The following BAZ2B variants were observed in gnomAD, a reference collection of about 807,000 sequenced individuals.
BAZ2B encodes bromodomain adjacent to zinc finger domain protein 2B.
BAZ2B carries 91 observed loss-of-function variants against 246.0 expected under a neutral mutation model. That is an observed-to-expected ratio of 0.37 (90% confidence interval 0.31 to 0.44). The LOEUF is 0.44. BAZ2B is among the 20% of genes least tolerant of loss of function. BAZ2B has a pLI of 1.00. For missense variants in BAZ2B, 2,332 were observed against 2,533.7 expected, an observed-to-expected ratio of 0.92 and a Z score of 1.71; for synonymous variants, 855 against 860.0, an observed-to-expected ratio of 0.99 and a Z score of 0.10.
intron 31 of BAZ2B, among the ~76,000 whole-genome samples, chr2:159,339,629 G>A (rs144422723): frequency 6.6e-6 from 1 of 152,232 alleles, no homozygotes; most frequent in East Asian, 1.9e-4. Flanking sequence ...TATATTTACT[G>A]CAGCAATATT....
upstream of BAZ2B, among the ~76,000 whole-genome samples, chr2:159,620,059 G>A (rs1278995473): frequency 2.0e-5 from 3 of 152,174 alleles, no homozygotes; most frequent in Non-Finnish European, 4.4e-5. Flanking sequence ...GGACTAAATT[G>A]TTGCACTTTC....
intron 2 of BAZ2B, among the ~76,000 whole-genome samples, chr2:159,516,054 G>T (rs1434183356): frequency 6.6e-6 from 1 of 151,980 alleles, no homozygotes; most frequent in African/African-American, 2.4e-5. Context: ...CCTACAGTAT[G>T]TGTATGAGCT....
In BAZ2B at chr2:159,385,409, C is replaced by A. The variant is rs756272978; in HGVS notation, c.3472-40G>T. 1.4e-5 allele frequency: 21 copies of A among 1,511,128 alleles called. No homozygotes were observed. In the Admixed American group the frequency reaches 1.9e-4, roughly 14 times the overall value. The allele number at this position is 1,511,128 out of a possible 1,614,324, so 93.6% of individuals were successfully genotyped here. On this transcript the variant is annotated intron_variant, in intron 22 of 36. Coordinates refer to ENST00000392783, the MANE Select transcript of BAZ2B (RefSeq NM_013450.4). ...CATTTTTATCAGTATTACTCACAAC[C>A]ATTTATACCATAAAAACAATAAGAT...
chr2:159,392,441 C>T (rs1293567515), intron 20 of BAZ2B, among the ~76,000 whole-genome samples: 1 of 151,978 alleles, frequency 6.6e-6, no homozygotes, highest in Non-Finnish European at 1.5e-5. Context: ...GCATTTGTTG[C>T]ACTGTGTAGC....
At chr2:159,513,487 C>T (rs1055772020) in intron 2 of BAZ2B, among the ~76,000 whole-genome samples, 55 of 152,200 alleles carry the variant, frequency 3.6e-4, no homozygotes, top group African/African-American at 1.3e-3. Context: ...TGGTCTACCA[C>T]ATCCAAAGTC....
intron 26 of BAZ2B, 66 bp from the exon 27 acceptor site, chr2:159,373,255 G>C: frequency 2.8e-6 from 4 of 1,436,606 alleles, no homozygotes; most frequent in Non-Finnish European, 3.8e-6. Context: ...TAATATATAT[G>C]TAACTTTATA....
chr2:159,558,144 A>T (rs947858518), intron 1 of BAZ2B, among the ~76,000 whole-genome samples: 1 of 152,192 alleles, frequency 6.6e-6, no homozygotes, highest in Non-Finnish European at 1.5e-5. Flanking sequence ...TAATGAAAGA[A>T]ATCTGAAGTG....
intron 31 of BAZ2B, among the ~76,000 whole-genome samples, chr2:159,343,213 T>C (rs1347095419): frequency 6.6e-6 from 1 of 152,180 alleles, no homozygotes; most frequent in Non-Finnish European, 1.5e-5. Flanking sequence ...TGGATATCCA[T>C]ATGCAGAGGA....
chr2:159,503,572 CTTTT>C (rs1433912021), intron 2 of BAZ2B, among the ~76,000 whole-genome samples: 1 of 151,922 alleles, frequency 6.6e-6, no homozygotes, highest in East Asian at 1.9e-4. Context: ...CTGCCTTCTT[CTTTT>C]TTATTTATTT....
chr2:159,427,556 C>G (rs1020197396), intron 13 of BAZ2B, among the ~76,000 whole-genome samples: 5 of 152,094 alleles, frequency 3.3e-5, no homozygotes, highest in African/African-American at 1.2e-4. Context: ...TACATATCCT[C>G]TTTTGGACTG....
chr2:159,400,823 A>G lies in BAZ2B; in HGVS notation c.2833-159T>C, dbSNP rs527445451. Among the ~76,000 whole-genome samples the G allele has an allele frequency of 2.1e-3, 320 of 152,164 alleles. 2 individuals are homozygous for G. The highest frequency in any genetic ancestry group is 6.4e-3 in the African/African-American group (266 of 41,526). ...TGGGAGGCCAAGGTGGGCGGATCACAAGGTCAGGAGATCGAGACCATCCTG... is the reference window on the plus strand; with the variant it reads ...TGGGAGGCCAAGGTGGGCGGATCACGAGGTCAGGAGATCGAGACCATCCTG... On this transcript the variant is annotated intron_variant, in intron 16 of 36. Coordinates refer to ENST00000392783, the MANE Select transcript of BAZ2B (RefSeq NM_013450.4).
At chr2:159,657,731 A>AT in the BAZ2B span, among the ~76,000 whole-genome samples, 1 of 152,178 alleles carries the variant, frequency 6.6e-6, no homozygotes, top group Non-Finnish European at 1.5e-5. Context: ...TGTAAAAGGT[A>AT]TTGTTTCTTT....
At chr2:159,316,040 T>G (rs2062081070), downstream of BAZ2B, among the ~76,000 whole-genome samples, 2 of 152,326 alleles carry the variant, frequency 1.3e-5, no homozygotes, top group South Asian at 4.1e-4. Flanking sequence ...AACCACTGTG[T>G]GTACATACGT....
At chr2:159,431,884 G>A (rs2071186021) in intron 9 of BAZ2B, among the ~76,000 whole-genome samples, 1 of 152,052 alleles carries the variant, frequency 6.6e-6, no homozygotes, top group Admixed American at 6.6e-5. Context: ...TCTGGTTTGT[G>A]TTATACCATT....
chr2:159,354,498 G>A (rs2058882724), intron 27 of BAZ2B, among the ~76,000 whole-genome samples: 1 of 151,942 alleles, frequency 6.6e-6, no homozygotes, highest in South Asian at 2.1e-4. Context: ...CTAGAGGCAC[G>A]TGCCACCATG....
At chr2:159,582,164 T>C (rs1686976090) in intron 1 of BAZ2B, among the ~76,000 whole-genome samples, 1 of 152,352 alleles carries the variant, frequency 6.6e-6, no homozygotes, top group African/African-American at 2.4e-5. Flanking sequence ...GAATATATAA[T>C]CAAACTGCAG....
chr2:159,482,152 A>G (rs2079308534), intron 2 of BAZ2B, among the ~76,000 whole-genome samples: 1 of 151,826 alleles, frequency 6.6e-6, no homozygotes, highest in African/African-American at 2.4e-5. Context: ...AAAACCCACA[A>G]AGTCTTCCAT....
At chr2:159,517,183 G>A (rs754254451) in intron 2 of BAZ2B, among the ~76,000 whole-genome samples, 1 of 151,896 alleles carries the variant, frequency 6.6e-6, no homozygotes, top group Non-Finnish European at 1.5e-5. Context: ...TACATAATTT[G>A]AAACTTTTCT....
intron 33 of BAZ2B, among the ~76,000 whole-genome samples, chr2:159,333,811 T>A (rs547304694): frequency 1.2e-4 from 19 of 152,226 alleles, no homozygotes; most frequent in African/African-American, 4.3e-4. Flanking sequence ...TAGAATCTTA[T>A]CAAAACAGCA....
Sources: allele counts gnomAD v4.1 joint callset (sites outside exome capture counted in the v4.1 genomes callset), GRCh38; gene constraint gnomAD v4.1.1; transcripts MANE v1.5; gene names NCBI Gene and HGNC (gene_info 2026-07-23, HGNC 2026-07-21).